Variants in NAALADL2 observed in about 807,000 individuals in gnomAD.
The protein encoded by NAALADL2 is N-acetylated alpha-linked acidic dipeptidase like 2, also known as inactive N-acetylated-alpha-linked acidic dipeptidase-like protein 2.
In NAALADL2, 76 loss-of-function variants were observed where a neutral mutation model predicts 87.2. The ratio of observed to expected loss-of-function variants is 0.87; its 90% confidence interval spans 0.72 to 1.05. The LOEUF (loss-of-function observed/expected upper bound fraction) is 1.05, where lower values mean the gene tolerates loss of function less well. Among genes scored for constraint, NAALADL2 ranks in the 50% least tolerant of loss-of-function variants. NAALADL2 has a pLI of 0.00. For missense variants in NAALADL2, 1,089 were observed against 945.8 expected, an observed-to-expected ratio of 1.15 and a Z score of -1.99; for synonymous variants, 354 against 331.0, an observed-to-expected ratio of 1.07 and a Z score of -0.75.
intron 5 of NAALADL2, among the ~76,000 whole-genome samples, chr3:175,428,663 A>G (rs1717229525): frequency 1.3e-5 from 2 of 151,792 alleles, no homozygotes; most frequent in Admixed American, 1.3e-4. Context: ...ATTTTTTTCT[A>G]TCTCACTTGT....
At chr3:175,315,359 C>T (rs1427419052) in intron 4 of NAALADL2, among the ~76,000 whole-genome samples, 2 of 151,932 alleles carry the variant, frequency 1.3e-5, no homozygotes, top group Non-Finnish European at 2.9e-5. Flanking sequence ...GTTTAACGAT[C>T]CCTGTATTCA....
At chr3:174,907,066 C>A (rs190814594) in intron 1 of NAALADL2, among the ~76,000 whole-genome samples, 8 of 152,158 alleles carry the variant, frequency 5.3e-5, no homozygotes, top group Admixed American at 5.2e-4. Flanking sequence ...CTCCCCTAGA[C>A]CATCTTTGTC....
chr3:174,739,870 A>G (rs904124496), intron 3 of NAALADL2, among the ~76,000 whole-genome samples: 1 of 152,102 alleles, frequency 6.6e-6, no homozygotes, highest in Non-Finnish European at 1.5e-5. Context: ...CTCTTTTTAA[A>G]TAAACATTCA....
At chr3:174,993,490 A>G (rs988611088) in intron 1 of NAALADL2, among the ~76,000 whole-genome samples, 1 of 152,120 alleles carries the variant, frequency 6.6e-6, no homozygotes, top group African/African-American at 2.4e-5. Flanking sequence ...AATAAATATT[A>G]TCAAAGGAAG....
intron 11 of NAALADL2, among the ~76,000 whole-genome samples, chr3:175,717,678 G>A (rs1451798337): frequency 6.8e-6 from 1 of 146,264 alleles, no homozygotes; most frequent in Non-Finnish European, 1.5e-5. Context: ...ATGACAGAAT[G>A]AGACCCTGTC....
chr3:174,509,279 T>C (rs1418030258), intron 1 of NAALADL2, among the ~76,000 whole-genome samples: 1 of 152,142 alleles, frequency 6.6e-6, no homozygotes, highest in Non-Finnish European at 1.5e-5. Flanking sequence ...AGAGATGCTT[T>C]ATTAGTCTTC....
At chr3:174,748,134 G>A (rs1390922396) in intron 3 of NAALADL2, among the ~76,000 whole-genome samples, 8 of 151,958 alleles carry the variant, frequency 5.3e-5, no homozygotes, top group East Asian at 1.9e-4. Context: ...ACACAGGGAG[G>A]GGAACAACAC....
intron 10 of NAALADL2, among the ~76,000 whole-genome samples, chr3:175,578,120 C>T (rs948387975): frequency 6.6e-5 from 10 of 151,830 alleles, no homozygotes; most frequent in East Asian, 1.9e-4. Context: ...TTAAAAAATC[C>T]GTATCTTATT....
intron 1 of NAALADL2, among the ~76,000 whole-genome samples, chr3:175,036,120 T>C (rs939459534): frequency 6.6e-6 from 1 of 152,190 alleles, no homozygotes; most frequent in Non-Finnish European, 1.5e-5. Flanking sequence ...TTGAAGTAAA[T>C]GTTAAAATCC....
intron 1 of NAALADL2, among the ~76,000 whole-genome samples, chr3:175,071,252 T>A (rs1715582556): frequency 6.6e-6 from 1 of 152,114 alleles, no homozygotes; most frequent in Non-Finnish European, 1.5e-5. Context: ...TAAAGAATGT[T>A]TTTCAGCTCT....
At chr3:174,873,094 C>G (rs1296762326) in intron 1 of NAALADL2, among the ~76,000 whole-genome samples, 1 of 151,970 alleles carries the variant, frequency 6.6e-6, no homozygotes, top group African/African-American at 2.4e-5. Flanking sequence ...TTGAGCATTT[C>G]GTGTATGTAA....
rs1750269677 is a variant in NAALADL2 at position 175,013,173 on chromosome 3, CATATTT to C, written c.44-83612_44-83607del. On this transcript the variant is annotated intron_variant, in intron 1 of 13. Transcript: ENST00000454872. ...CATATTTATATATAAATATGTAATA[CATATTT>C]ATATATAAATATATATACATAAATA... is the stretch of plus-strand genomic sequence containing the variant. Among the ~76,000 whole-genome samples, 30 of 81,882 alleles carry C rather than the reference CATATTT, an allele frequency of 3.7e-4. 2 individuals are homozygous for C. The highest frequency in any genetic ancestry group is 1.2e-3 in the Admixed American group (8 of 6,918). The allele number at this position is 81,882 out of a possible 152,430, so 53.7% of individuals were successfully genotyped here. A position where few individuals can be genotyped will look rare whatever the true frequency, so the allele number is the denominator to read the frequency against.
At chr3:175,781,296 AATG>A (rs764320353) in intron 13 of NAALADL2, among the ~76,000 whole-genome samples, 39 of 152,304 alleles carry the variant, frequency 2.6e-4, no homozygotes, top group Non-Finnish European at 3.8e-4. Flanking sequence ...TGTGCTGAAT[AATG>A]ATGTTTCAGT....
chr3:175,503,987 G>A (rs747736061), intron 9 of NAALADL2, among the ~76,000 whole-genome samples: 10 of 152,148 alleles, frequency 6.6e-5, no homozygotes, highest in Middle Eastern at 3.4e-3. Flanking sequence ...TGGTGTCTTC[G>A]TCACGAAATT....
intron 1 of NAALADL2, among the ~76,000 whole-genome samples, chr3:175,030,886 A>G (rs1453872789): frequency 1.3e-5 from 2 of 152,038 alleles, no homozygotes; most frequent in African/African-American, 2.4e-5. Context: ...GTATACAGCC[A>G]TGCCTGGTTT....
chr3:175,096,497 TG>T (rs1200064551), intron 1 of NAALADL2, among the ~76,000 whole-genome samples: 1 of 20,524 alleles, frequency 4.9e-5, no homozygotes, highest in African/African-American at 1.9e-4. Flanking sequence ...TAATGGGGCG[TG>T]TGTGTGTGTG....
chr3:175,058,456 A>G (rs1459754044), intron 1 of NAALADL2, among the ~76,000 whole-genome samples: 1 of 152,226 alleles, frequency 6.6e-6, no homozygotes, highest in East Asian at 1.9e-4. Flanking sequence ...TGAGGGAGGC[A>G]GTTATTCATC....
intron 11 of NAALADL2, among the ~76,000 whole-genome samples, chr3:175,639,216 A>G (rs1482941385): frequency 1.3e-5 from 2 of 151,972 alleles, no homozygotes; most frequent in Non-Finnish European, 2.9e-5. Context: ...GAGCTTCTCT[A>G]GCAAACAGGT....
At chr3:175,000,487 G>T (rs577619951) in intron 1 of NAALADL2, among the ~76,000 whole-genome samples, 2 of 152,130 alleles carry the variant, frequency 1.3e-5, no homozygotes, top group Non-Finnish European at 2.9e-5. Context: ...ATAAATAAAA[G>T]AATTAACGTG....
Sources: gnomAD v4.1 joint callset for allele counts (sites outside exome capture counted in the v4.1 genomes callset) on GRCh38, gnomAD v4.1.1 for gene constraint, MANE v1.5 for transcripts, NCBI Gene and HGNC (gene_info 2026-07-23, HGNC 2026-07-21) for gene names.